Variants in TENM4 observed in about 807,000 individuals in gnomAD.
TENM4 encodes the protein teneurin-4.
In TENM4, 82 loss-of-function variants were observed where a neutral mutation model predicts 243.3. The observed-to-expected ratio is 0.34, with a 90% CI of 0.28 to 0.40. TENM4 has a LOEUF of 0.40. TENM4 is among the 10% of genes least tolerant of loss of function. The pLI is 1.00. For missense variants in TENM4, 3,138 were observed against 3,673.3 expected (o/e 0.85, Z 3.77); for synonymous variants, 1,412 against 1,456.3 (o/e 0.97, Z 0.69).
intron 12 of TENM4, among the ~76,000 whole-genome samples, chr11:78,832,769 C>G (rs1020469625): frequency 2.0e-5 from 3 of 152,182 alleles, no homozygotes; most frequent in Non-Finnish European, 4.4e-5. Flanking sequence ...CTAGTAAGAG[C>G]AGGTGGAGGA....
At chr11:79,052,542 G>C (rs1181336923) in intron 6 of TENM4, among the ~76,000 whole-genome samples, 2 of 152,210 alleles carry the variant, frequency 1.3e-5, no homozygotes, top group South Asian at 4.1e-4. Flanking sequence ...TTCACTGTAA[G>C]TATATAATAA....
chr11:78,748,546 G>A (rs1856107105), intron 19 of TENM4, among the ~76,000 whole-genome samples: 1 of 152,192 alleles, frequency 6.6e-6, no homozygotes, highest in Non-Finnish European at 1.5e-5. Context: ...AAGATGCTGA[G>A]CAGGGAACAT....
chr11:79,094,071 A>G (rs746614350), intron 4 of TENM4, among the ~76,000 whole-genome samples: 21 of 152,226 alleles, frequency 1.4e-4, no homozygotes, highest in African/African-American at 1.9e-4. Flanking sequence ...GACATAGCCC[A>G]TCTCCATCAT....
chr11:79,052,719 G>T (rs1001391309), intron 6 of TENM4, among the ~76,000 whole-genome samples: 10 of 152,214 alleles, frequency 6.6e-5, no homozygotes, highest in Admixed American at 3.3e-4. Flanking sequence ...GTCGCCATCT[G>T]CTGGCCTCTC....
intron 25 of TENM4, among the ~76,000 whole-genome samples, chr11:78,718,867 C>G (rs1859582643): frequency 6.6e-6 from 1 of 152,162 alleles, no homozygotes; most frequent in South Asian, 2.1e-4. Context: ...AGAGCTTAAT[C>G]AATAAATAAT....
rs1856704911 is a variant in TENM4 at position 78,774,587 on chromosome 11, C to A, written c.2393-3449G>T. Among the ~76,000 whole-genome samples, 3 of 152,196 alleles carry A rather than the reference C, an allele frequency of 2.0e-5. No homozygotes were observed. The South Asian group carries it at 6.2e-4, about 32-fold the overall frequency. On this transcript the variant is annotated intron_variant, in intron 17 of 33. Transcript: ENST00000278550. Reference sequence around the variant, plus strand: ...TTCCGTTAGAATGTACCAGTGCCTGCATGTAGCAGACACTCAATATATATT... The same window carrying A: ...TTCCGTTAGAATGTACCAGTGCCTGAATGTAGCAGACACTCAATATATATT...
At position 78,708,459 on chromosome 11, in the gene TENM4, G is replaced by A. The variant is rs374934640; in HGVS notation, c.4111C>T (p.Arg1371Cys). The change falls in exon 27 of 34, where the codon CGC (arginine) becomes TGC (cysteine). Residue 1371 changes from arginine to cysteine, a missense_variant. By Grantham distance (180) the Arg-to-Cys change is radical. This residue lies in a region of TENM4 where 2,467 missense variants were observed against 3,059.1 expected (regional missense o/e 0.81). Coordinates refer to ENST00000278550, the MANE Select transcript of TENM4 (RefSeq NM_001098816.3). ...IYFVDGTMIR[R>C]IDQNGIISTL... Reference sequence around the variant, plus strand: ...GAGATGATCCCATTCTGATCGATGCGTCTGATCATGGTGCCATCCACGAAG... The same window carrying A: ...GAGATGATCCCATTCTGATCGATGCATCTGATCATGGTGCCATCCACGAAG... 44 of 1,613,896 alleles carry A rather than the reference G, an allele frequency of 2.7e-5. No individual in the cohort carries two copies. The Middle Eastern group carries it at 4.9e-4, about 18-fold the overall frequency.
At chr11:79,347,326 A>G (rs375891147) in intron 1 of TENM4, among the ~76,000 whole-genome samples, 1 of 152,296 alleles carries the variant, frequency 6.6e-6, no homozygotes, top group East Asian at 1.9e-4. Flanking sequence ...GAGCTGCCTT[A>G]TACCAAACCC....
intron 1 of TENM4, among the ~76,000 whole-genome samples, chr11:79,361,547 C>A (rs1857589513): frequency 6.6e-6 from 1 of 152,178 alleles, no homozygotes; most frequent in African/African-American, 2.4e-5. Context: ...TTCAGCACTG[C>A]TTCTTGAGTC....
chr11:79,217,951 G>C (rs1411733180), intron 2 of TENM4, among the ~76,000 whole-genome samples: 1 of 152,070 alleles, frequency 6.6e-6, no homozygotes, highest in African/African-American at 2.4e-5. Flanking sequence ...CCTGACTTCA[G>C]GTGATCCACC....
At chr11:79,376,624 A>G (rs1031836377) in intron 1 of TENM4, among the ~76,000 whole-genome samples, 1 of 108,832 alleles carries the variant, frequency 9.2e-6, no homozygotes, top group Non-Finnish European at 2.2e-5. Context: ...TAACTTTTCG[A>G]TGAATGAATG....
chr11:78,736,489 T>C (rs1783947), intron 20 of TENM4, among the ~76,000 whole-genome samples: 131,470 of 150,278 alleles, frequency 0.87, 57,981 homozygotes, highest in African/African-American at 0.93. Context: ...TGCGCGCGCG[T>C]GCATGTGAGT....
intron 6 of TENM4, among the ~76,000 whole-genome samples, chr11:78,980,554 C>G (rs1857769081): frequency 6.6e-6 from 1 of 152,206 alleles, no homozygotes; most frequent in Non-Finnish European, 1.5e-5. Flanking sequence ...TATAGGAAGG[C>G]AGCAGTGGAA....
chr11:79,054,043 G>C (rs1859873439), intron 6 of TENM4, among the ~76,000 whole-genome samples: 2 of 152,176 alleles, frequency 1.3e-5, no homozygotes, highest in Non-Finnish European at 2.9e-5. Flanking sequence ...GCTCAGTGGA[G>C]AGATCCAGGT....
At chr11:78,980,832 T>A (rs1415797591) in intron 6 of TENM4, among the ~76,000 whole-genome samples, 3 of 152,362 alleles carry the variant, frequency 2.0e-5, no homozygotes, top group East Asian at 3.9e-4. Context: ...ATTTGCTACC[T>A]GCTCTGTGCC....
intron 4 of TENM4, among the ~76,000 whole-genome samples, chr11:79,145,311 A>T (rs1040882073): frequency 1.1e-4 from 16 of 152,188 alleles, no homozygotes; most frequent in African/African-American, 3.8e-4. Context: ...CTACAAATTG[A>T]CAACACCCAT....
intron 6 of TENM4, among the ~76,000 whole-genome samples, chr11:78,997,961 C>T (rs909111173): frequency 3.9e-5 from 6 of 152,092 alleles, no homozygotes; most frequent in South Asian, 2.1e-4. Flanking sequence ...GTATATACAC[C>T]GAGGAAAGGC....
At chr11:78,687,592 G>A (rs2135721096) in intron 29 of TENM4, among the ~76,000 whole-genome samples, 1 of 152,292 alleles carries the variant, frequency 6.6e-6, no homozygotes, top group East Asian at 1.9e-4. Flanking sequence ...AGGATGATTT[G>A]ACAAATGCAA....
At chr11:79,244,246 T>C (rs1268294265) in intron 2 of TENM4, among the ~76,000 whole-genome samples, 4 of 152,126 alleles carry the variant, frequency 2.6e-5, no homozygotes, top group Non-Finnish European at 5.9e-5. Context: ...ATTGCCCTAC[T>C]AGACTGTGGC....
Sources: allele counts gnomAD v4.1 joint callset (sites outside exome capture counted in the v4.1 genomes callset), GRCh38; gene constraint gnomAD v4.1.1; regional missense constraint gnomAD v4.1.1; transcripts MANE v1.5; gene names NCBI Gene and HGNC (gene_info 2026-07-23, HGNC 2026-07-21).